DUOX1: variants seen among roughly 807,000 people sequenced by gnomAD.
DUOX1 encodes dual oxidase 1, also known as NADPH thyroid oxidase 1.
Under a neutral mutation model 181.8 loss-of-function variants are expected in DUOX1, and 134 were observed. The ratio of observed to expected loss-of-function variants is 0.74; its 90% CI spans 0.64 to 0.85. The LOEUF (loss-of-function observed/expected upper bound fraction) is 0.85, where lower values mean the gene tolerates loss of function less well. DUOX1 is among the 40% of genes least tolerant of loss of function. DUOX1 has a pLI of 0.00. For missense variants in DUOX1, 1,814 were observed against 2,064.4 expected, an observed-to-expected ratio of 0.88 and a Z score of 2.35; for synonymous variants, 798 against 832.5, an observed-to-expected ratio of 0.96 and a Z score of 0.71.
At chr15:45,148,161 C>A in intron 20 of DUOX1, 111 bp from the exon 21 acceptor site, 1 of 1,540,656 alleles carries the variant, frequency 6.5e-7, no homozygotes, top group Non-Finnish European at 8.9e-7. Flanking sequence ...TGTGGCCAGT[C>A]GGGGCCCCTC....
chr15:45,135,069 G>T (rs1341426608), intron 4 of DUOX1, 35 bp from the exon 5 acceptor site: 2 of 1,600,966 alleles, frequency 1.2e-6, no homozygotes, highest in African/African-American at 2.7e-5. Context: ...GTGGCCCTCT[G>T]CTTGCCCTAG....
chr15:45,143,048 CT>C, intron 15 of DUOX1, 141 bp from the exon 16 acceptor site: 1 of 645,326 alleles, frequency 1.5e-6, no homozygotes, highest in Non-Finnish European at 2.7e-6. Flanking sequence ...CCCCAGGGAC[CT>C]TCCCAATCTG....
At chr15:45,147,409 C>G (rs963230905) in intron 18 of DUOX1, 24 bp from the exon 19 acceptor site, 2 of 1,609,030 alleles carry the variant, frequency 1.2e-6, no homozygotes, top group African/African-American at 1.3e-5. Context: ...TCCTCTCCCT[C>G]CCTCTGCTTC....
chr15:45,137,197 A>AG, intron 9 of DUOX1, among the ~76,000 whole-genome samples: 1 of 149,338 alleles, frequency 6.7e-6, no homozygotes. Flanking sequence ...AAAAAAAAAA[A>AG]AAAAAAAAAA....
In DUOX1 at chr15:45,136,350, A is replaced by G; in HGVS notation, c.865A>G (p.Asn289Asp). The change falls in exon 8 of 34, where the codon AAC (asparagine) becomes GAC (aspartate). Residue 289 changes from asparagine (N) to aspartate (D), a missense_variant and splice_region_variant. This residue lies in a region of DUOX1 where 1,064 missense variants were observed against 1,152.9 expected (regional missense o/e 0.92). Transcript: ENST00000389037. ...CCCCTCGCCCCTCTCTGCCCCTCAG[A>G]ACATCGCTGTGTATGAGTGGCTGCC... Reference protein sequence around the residue: ...ARKRVIATYQNIAVYEWLPSF... With the variant: ...ARKRVIATYQDIAVYEWLPSF... 6.2e-7 allele frequency: 1 copy of G among 1,613,606 alleles called. No homozygotes were observed. Among genetic ancestry groups the G allele is most frequent in the Admixed American group, 1.7e-5 (1 of 60,028 alleles).
At chr15:45,139,899 A>C in intron 12 of DUOX1, 1 of 590,390 alleles carries the variant, frequency 1.7e-6, no homozygotes, top group South Asian at 1.7e-5. Context: ...CTGAGTGGGT[A>C]TAGAAGGTCC....
intron 10 of DUOX1, chr15:45,138,666 T>C (rs1038133994): frequency 2.8e-5 from 5 of 179,036 alleles, no homozygotes; most frequent in Non-Finnish European, 4.6e-5. Context: ...GAGGACTCAG[T>C]GTCCCCCTCA....
intron 31 of DUOX1, 132 bp from the exon 32 acceptor site, chr15:45,163,400 T>A: frequency 7.4e-7 from 1 of 1,352,332 alleles, no homozygotes; most frequent in East Asian, 2.5e-5. Flanking sequence ...GCCCATACAC[T>A]CCATCTCCCC....
rs1401034365 is a variant in DUOX1, at chr15:45,135,172, C to G, written c.376C>G (p.Arg126Gly). The G allele has an allele frequency of 1.2e-6, 2 of 1,613,890 alleles. No homozygotes were observed. Among genetic ancestry groups the G allele is most frequent in the South Asian group, 2.2e-5 (2 of 91,082 alleles). The change falls in exon 5 of 34, where the codon CGC (arginine) becomes GGC (glycine). Residue 126 changes from arginine (R) to glycine (G), a missense_variant. Around this residue, in one of 5 missense-constraint regions of DUOX1, gnomAD observed 320 missense variants for 313.1 expected, o/e 1.02. Coordinates refer to ENST00000389037, the MANE Select transcript of DUOX1 (RefSeq NM_175940.3). ...PGCPAEFLNIRIPPGDPMFDP... is the reference protein window; with the variant it reads ...PGCPAEFLNIGIPPGDPMFDP... ...CTGCCCCGCCGAGTTCCTCAACATTCGCATCCCGCCCGGAGACCCCATGTT... is the reference window on the plus strand; with the variant it reads ...CTGCCCCGCCGAGTTCCTCAACATTGGCATCCCGCCCGGAGACCCCATGTT...
chr15:45,143,736 A>G (rs1198149373), intron 16 of DUOX1, among the ~76,000 whole-genome samples: 2 of 152,206 alleles, frequency 1.3e-5, no homozygotes, highest in Non-Finnish European at 2.9e-5. Context: ...TTTCTTATCC[A>G]TAAAATAGGA....
At chr15:45,137,445 A>G (rs1896353643) in intron 9 of DUOX1, among the ~76,000 whole-genome samples, 1 of 150,620 alleles carries the variant, frequency 6.6e-6, no homozygotes, top group Non-Finnish European at 1.5e-5. Flanking sequence ...ATGTCCATTT[A>G]TATTTTTACA....
intron 13 of DUOX1, 39 bp from the exon 14 acceptor site, chr15:45,141,253 C>G (rs769774360): frequency 5.0e-6 from 8 of 1,609,430 alleles, no homozygotes; most frequent in Non-Finnish European, 8.5e-7. Context: ...GGCCTGCATC[C>G]CCTTCCCATC....
intron 28 of DUOX1, among the ~76,000 whole-genome samples, chr15:45,158,003 C>T (rs1230805882): frequency 6.6e-6 from 1 of 151,932 alleles, no homozygotes; most frequent in Non-Finnish European, 1.5e-5. Flanking sequence ...AAGTAAAGGA[C>T]CCCAGTATAG....
Position 45,155,869 on chromosome 15 carries a change from C to T in DUOX1, c.3642C>T (p.Arg1214=), listed in dbSNP as rs199986003. Reference sequence around the variant, plus strand: ...ATGTCTTTGCCTCCCACCACTTCCGCCGCCGCAGTTTCCGGGGCTTCTGGC... The same window carrying T: ...ATGTCTTTGCCTCCCACCACTTCCGTCGCCGCAGTTTCCGGGGCTTCTGGC... ...IMYVFASHHF[R]RRSFRGFWLT... is the part of the protein sequence containing the mutation. The change falls in exon 28 of 34, where the codon CGC becomes CGT. Residue 1214 remains arginine (R), a synonymous_variant. Transcript: ENST00000389037. 2.5e-6 allele frequency: 4 copies of T among 1,614,184 alleles called. No homozygotes were observed. Among genetic ancestry groups the T allele is most frequent in the Admixed American group, 1.7e-5 (1 of 60,022 alleles).
intron 2 of DUOX1, among the ~76,000 whole-genome samples, chr15:45,133,174 G>A (rs1446169162): frequency 6.6e-6 from 1 of 152,144 alleles, no homozygotes; most frequent in Non-Finnish European, 1.5e-5. Flanking sequence ...CAGCAGCTGA[G>A]TGCTCCCTCC....
chr15:45,141,885 C>A, intron 14 of DUOX1, 90 bp from the exon 15 acceptor site: 7 of 1,473,592 alleles, frequency 4.8e-6, no homozygotes, highest in Non-Finnish European at 6.4e-6. Flanking sequence ...AGTGCCCCCA[C>A]CCCCTTTCTG....
chr15:45,161,314 G>A (rs1897093857), intron 29 of DUOX1, among the ~76,000 whole-genome samples: 2 of 151,298 alleles, frequency 1.3e-5, no homozygotes, highest in South Asian at 4.2e-4. Context: ...AGCTACTCAG[G>A]AGGCTGAGGC....
At chr15:45,145,691 G>A (rs187687994) in intron 18 of DUOX1, among the ~76,000 whole-genome samples, 334 of 152,270 alleles carry the variant, frequency 2.2e-3, no homozygotes, top group Admixed American at 3.1e-3. Flanking sequence ...GGGGCAGGTG[G>A]ATCACTTGAG....
At chr15:45,158,303 AAAG>A (rs1897012658) in intron 28 of DUOX1, among the ~76,000 whole-genome samples, 1 of 152,210 alleles carries the variant, frequency 6.6e-6, no homozygotes, top group Admixed American at 6.5e-5. Context: ...GAGCCAGTTC[AAAG>A]AAGAGCTCAG....
Sources: gnomAD v4.1 joint callset for allele counts (sites outside exome capture counted in the v4.1 genomes callset) on GRCh38, gnomAD v4.1.1 for gene constraint, gnomAD v4.1.1 regional missense constraint, MANE v1.5 for transcripts, NCBI Gene and HGNC (gene_info 2026-07-23, HGNC 2026-07-21) for gene names.